Variants in UMAD1 observed in about 807,000 individuals in gnomAD.
UMAD1 encodes UBAP1-MVB12-associated (UMA) domain containing 1.
Under a neutral mutation model 6.1 loss-of-function variants are expected in UMAD1, and 8 were observed. That is an observed-to-expected ratio of 1.30 (90% CI 0.76 to 2.35). The LOEUF (loss-of-function observed/expected upper bound fraction) is 2.35, where lower values mean the gene tolerates loss of function less well. Ranked by LOEUF, UMAD1 falls within the 30% of genes most tolerant of loss-of-function variation. UMAD1 has a pLI of 0.00. For missense variants in UMAD1, 130 were observed against 78.4 expected (o/e 1.66, Z -2.49); for synonymous variants, 56 against 31.4 (o/e 1.78, Z -2.61).
chr7:7,816,157 C>G (rs531491275), intron 3 of UMAD1, among the ~76,000 whole-genome samples: 1 of 147,330 alleles, frequency 6.8e-6, no homozygotes, highest in South Asian at 2.2e-4. Context: ...AGGAGGAAAC[C>G]AAGGCTCAAC....
intron 2 of UMAD1, chr7:7,685,814 A>G (rs1780030421): frequency 6.6e-6 from 1 of 152,276 alleles, no homozygotes; most frequent in African/African-American, 2.4e-5. Context: ...ATATCATGAT[A>G]GAATTATGGT....
At chr7:7,659,584 G>T (rs1046605280) in intron 1 of UMAD1, among the ~76,000 whole-genome samples, 1 of 152,176 alleles carries the variant, frequency 6.6e-6, no homozygotes, top group African/African-American at 2.4e-5. Context: ...TACAGGAGCA[G>T]GTTGTTCAGT....
chr7:7,649,158 CAAAAAAAAAAAAA>C (rs34943326), intron 1 of UMAD1, among the ~76,000 whole-genome samples: 19 of 128,874 alleles, frequency 1.5e-4, no homozygotes, highest in African/African-American at 5.2e-4. Flanking sequence ...GACTCCATCT[CAAAAAAAAAAAAA>C]AAAAAAAAGA....
At chr7:7,858,611 G>A (rs1428400579) in intron 3 of UMAD1, among the ~76,000 whole-genome samples, 1 of 152,186 alleles carries the variant, frequency 6.6e-6, no homozygotes, top group African/African-American at 2.4e-5. Context: ...GTCCTAGAGA[G>A]CTGTGTGATG....
chr7:7,790,560 G>A (rs772254556), intron 2 of UMAD1, among the ~76,000 whole-genome samples: 1 of 152,184 alleles, frequency 6.6e-6, no homozygotes, highest in South Asian at 2.1e-4. Flanking sequence ...GTCTGCTTCT[G>A]ATCAGTGGGC....
At chr7:7,814,619 T>G (rs1783089671) in intron 3 of UMAD1, among the ~76,000 whole-genome samples, 2 of 151,378 alleles carry the variant, frequency 1.3e-5, no homozygotes, top group African/African-American at 4.9e-5. Flanking sequence ...TATGTAATAC[T>G]TCTACAAAAT....
rs1320901301 is a variant in UMAD1, at chr7:7,801,697, C to T, written c.110C>T (p.Thr37Ile). The change falls in exon 3 of 4, where the codon ACA (threonine) becomes ATA (isoleucine). Residue 37 changes from threonine to isoleucine, a missense_variant. Thr to Ile is a moderately conservative substitution (Grantham distance 89). Coordinates refer to ENST00000682710, the MANE Select transcript of UMAD1 (RefSeq NM_001302348.2). The part of the protein sequence containing the change: ...LGDTTDEQRM[T>I]ARGKTSDIEA... ...GATACAACAGATGAGCAAAGAATGA[C>T]AGCAAGAGGCAAAACTTCGGACATA... The T allele has an allele frequency of 2.8e-6, 2 of 718,046 alleles. No homozygotes were observed. Among genetic ancestry groups the T allele is most frequent in the African/African-American group, 3.5e-5 (2 of 57,366 alleles). The allele number at this position is 718,046 out of a possible 1,614,324, so 44.5% of individuals were successfully genotyped here.
At chr7:7,754,770 A>G (rs1468173654) in intron 2 of UMAD1, among the ~76,000 whole-genome samples, 9 of 152,206 alleles carry the variant, frequency 5.9e-5, no homozygotes, top group African/African-American at 2.2e-4. Context: ...TTTCAGCTGT[A>G]AATTTTCTAA....
intron 3 of UMAD1, among the ~76,000 whole-genome samples, chr7:7,844,354 A>G (rs1232785278): frequency 6.6e-6 from 1 of 152,092 alleles, no homozygotes; most frequent in Non-Finnish European, 1.5e-5. Context: ...TCTCCTTTCA[A>G]GGTGGAGCTA....
intron 1 of UMAD1, among the ~76,000 whole-genome samples, chr7:7,656,204 C>T (rs1314887995): frequency 6.6e-6 from 1 of 151,704 alleles, no homozygotes; most frequent in African/African-American, 2.4e-5. Context: ...ATTGTAAAAG[C>T]TGCGTGGTTC....
chr7:7,784,084 G>A (rs1329921097), intron 2 of UMAD1, among the ~76,000 whole-genome samples: 4 of 152,114 alleles, frequency 2.6e-5, no homozygotes, highest in Admixed American at 6.5e-5. Context: ...TTTTATAATT[G>A]TATTAGAAGA....
intron 2 of UMAD1, among the ~76,000 whole-genome samples, chr7:7,738,306 C>A (rs1781400109): frequency 6.6e-6 from 1 of 152,074 alleles, no homozygotes; most frequent in Non-Finnish European, 1.5e-5. Context: ...CTGCCTATGC[C>A]CTTAGTGCCA....
intron 2 of UMAD1, among the ~76,000 whole-genome samples, chr7:7,781,412 T>TG (rs1563200928): frequency 6.6e-6 from 1 of 152,078 alleles, no homozygotes; most frequent in Non-Finnish European, 1.5e-5. Context: ...TGCTGCATTC[T>TG]GGAAAAATCA....
In UMAD1 at chr7:7,707,826, G is replaced by C. The variant is rs183686833; in HGVS notation, c.82+34373G>C. ...ATAAAGATGCTTTCTAAGGAAACTG[G>C]TTTGCCTAGCCAGATCTTTTAATGT... On this transcript the variant is annotated intron_variant, in intron 2 of 3. Transcript: ENST00000682710. Among the ~76,000 whole-genome samples the C allele has an allele frequency of 1.8e-4, 27 of 152,252 alleles. 2 individuals are homozygous for C. In the East Asian group the frequency reaches 5.2e-3, roughly 29 times the overall value.
intron 2 of UMAD1, among the ~76,000 whole-genome samples, chr7:7,748,537 T>G (rs970791969): frequency 6.6e-5 from 10 of 151,968 alleles, no homozygotes; most frequent in African/African-American, 2.2e-4. Flanking sequence ...GGGGATCAAG[T>G]GAGGAAGGAC....
At chr7:7,797,680 C>T (rs1276556713) in intron 2 of UMAD1, among the ~76,000 whole-genome samples, 1 of 150,962 alleles carries the variant, frequency 6.6e-6, no homozygotes, top group Non-Finnish European at 1.5e-5. Flanking sequence ...ATAGCTAAAA[C>T]ATCATCCAAC....
intron 3 of UMAD1, among the ~76,000 whole-genome samples, chr7:7,849,552 T>G (rs1395501215): frequency 6.6e-6 from 1 of 152,152 alleles, no homozygotes; most frequent in Non-Finnish European, 1.5e-5. Context: ...GAAACCACTC[T>G]ATGACCCAAC....
chr7:7,794,358 A>G (rs1490027289), intron 2 of UMAD1, among the ~76,000 whole-genome samples: 3 of 152,188 alleles, frequency 2.0e-5, no homozygotes, highest in Admixed American at 6.5e-5. Context: ...TTTATTGCCT[A>G]TAAAGCTGGT....
intron 3 of UMAD1, among the ~76,000 whole-genome samples, chr7:7,873,707 C>G (rs1472774086): frequency 6.6e-6 from 1 of 152,148 alleles, no homozygotes; most frequent in African/African-American, 2.4e-5. Context: ...ATTGGAGATG[C>G]TTTGTGACGA....
Sources: gnomAD v4.1 joint callset for allele counts (sites outside exome capture counted in the v4.1 genomes callset) on GRCh38, gnomAD v4.1.1 for gene constraint, MANE v1.5 for transcripts, NCBI Gene and HGNC (gene_info 2026-07-23, HGNC 2026-07-21) for gene names.